The following SATL1 variants were observed in gnomAD, a reference collection of about 807,000 sequenced individuals.
SATL1 encodes the protein spermidine/spermine N(1)-acetyltransferase-like protein 1.
A neutral mutation model predicts 51.8 loss-of-function variants in SATL1; 47 were observed. The observed-to-expected ratio is 0.91, with a 90% CI of 0.72 to 1.16. The LOEUF (loss-of-function observed/expected upper bound fraction) is 1.16. SATL1 is among the 50% of genes most tolerant of loss of function. The probability of loss-of-function intolerance (pLI) is 0.00; values close to 1 mark genes in which losing one functional copy is unlikely to be tolerated. For missense variants in SATL1, 520 were observed against 526.4 expected, an observed-to-expected ratio of 0.99 and a Z score of 0.12; for synonymous variants, 176 against 182.4, an observed-to-expected ratio of 0.97 and a Z score of 0.28.
At chrX:85,110,228 C>T (rs1425149006) in intron 2 of SATL1, among the ~76,000 whole-genome samples, 2 of 111,158 alleles carry the variant, frequency 1.8e-5, no homozygotes, top group East Asian at 2.8e-4. Context: ...TCTTTCCAGG[C>T]TTTTTATTAT....
intron 2 of SATL1, among the ~76,000 whole-genome samples, chrX:85,122,384 A>G (rs538575131): frequency 3.4e-4 from 38 of 111,408 alleles, no homozygotes; most frequent in Middle Eastern, 4.6e-3. Flanking sequence ...TTCTGATTCA[A>G]TGGATTTGGT....
At chrX:85,239,660 A>G (rs771177141) in intron 1 of SATL1, among the ~76,000 whole-genome samples, 4 of 111,811 alleles carry the variant, frequency 3.6e-5, no homozygotes, top group Non-Finnish European at 7.5e-5. Flanking sequence ...GGATAGATAC[A>G]CAAGTCCACA....
At chrX:85,236,849 C>T (rs1185376224) in intron 1 of SATL1, among the ~76,000 whole-genome samples, 3 of 110,847 alleles carry the variant, frequency 2.7e-5, no homozygotes, top group African/African-American at 9.8e-5. Flanking sequence ...ACCAATCAGA[C>T]AAAATAAATA....
chrX:85,221,828 A>G (rs929511476), intron 2 of SATL1, among the ~76,000 whole-genome samples: 2 of 112,325 alleles, frequency 1.8e-5, no homozygotes, highest in African/African-American at 6.5e-5. Flanking sequence ...ATGTAGGGCC[A>G]GACCCTGGGT....
chrX:85,221,049 G>A (rs887783806), intron 2 of SATL1, among the ~76,000 whole-genome samples: 1 of 110,830 alleles, frequency 9.0e-6, no homozygotes, highest in Non-Finnish European at 1.9e-5. Flanking sequence ...GTACAGCTAC[G>A]GTAATATTTT....
At chrX:85,176,541 G>A (rs1215579503) in intron 2 of SATL1, among the ~76,000 whole-genome samples, 1 of 111,764 alleles carries the variant, frequency 8.9e-6, no homozygotes, top group Non-Finnish European at 1.9e-5. Flanking sequence ...AAGAAGAATA[G>A]TTATCTCTGT....
intron 2 of SATL1, among the ~76,000 whole-genome samples, chrX:85,205,332 A>G (rs1927771994): frequency 8.9e-6 from 1 of 112,345 alleles, no homozygotes; most frequent in African/African-American, 3.2e-5. Context: ...GGTATCTCAT[A>G]TTGAGTCTTG....
intron 2 of SATL1, chrX:85,211,915 T>C (rs1357189856): frequency 3.6e-5 from 4 of 111,837 alleles, no homozygotes; most frequent in Non-Finnish European, 7.5e-5. Context: ...AAGATTAGAA[T>C]GTAGAATTAA....
chrX:85,149,381 C>A (rs980578694), intron 2 of SATL1, among the ~76,000 whole-genome samples: 4 of 111,254 alleles, frequency 3.6e-5, no homozygotes, highest in African/African-American at 6.5e-5. Context: ...CTTTAACACC[C>A]CACTGTCAAC....
intron 2 of SATL1, among the ~76,000 whole-genome samples, chrX:85,130,467 G>A (rs773353265): frequency 9.0e-6 from 1 of 111,643 alleles, no homozygotes; most frequent in Non-Finnish European, 1.9e-5. Context: ...ATGGTAGTTT[G>A]TATTTCTGTG....
intron 2 of SATL1, 90 bp from the exon 3 acceptor site, chrX:85,109,370 A>C: frequency 5.0e-6 from 1 of 199,226 alleles, no homozygotes; most frequent in African/African-American, 2.8e-5. Context: ...CTGCATCATA[A>C]TGGCGGTCAC....
At chrX:85,243,377 T>C (rs904999172) in intron 1 of SATL1, among the ~76,000 whole-genome samples, 4 of 112,423 alleles carry the variant, frequency 3.6e-5, no homozygotes, top group African/African-American at 6.5e-5. Flanking sequence ...TCCTCCCACT[T>C]TTTGCAGACA....
At chrX:85,181,640 C>T (rs1927205665) in intron 2 of SATL1, among the ~76,000 whole-genome samples, 1 of 110,933 alleles carries the variant, frequency 9.0e-6, no homozygotes, top group Non-Finnish European at 1.9e-5. Context: ...TTCAAAGGTC[C>T]TTATCTCTCA....
chrX:85,118,087 C>CTTTTTTTGTTTTTTTTTTTTT, intron 2 of SATL1, among the ~76,000 whole-genome samples: 1 of 46,171 alleles, frequency 2.2e-5, no homozygotes, highest in Non-Finnish European at 4.8e-5. Context: ...AAGAACTTAG[C>CTTTTTTTGTTTTTTTTTTTTT]TTTTTTTTTT....
At chrX:85,120,643 T>G (rs1483699323) in intron 2 of SATL1, among the ~76,000 whole-genome samples, 1 of 112,073 alleles carries the variant, frequency 8.9e-6, no homozygotes, top group Non-Finnish European at 1.9e-5. Flanking sequence ...TAAACTATCT[T>G]ATGTAATATC....
At chrX:85,140,025 A>G (rs1482994376) in intron 2 of SATL1, among the ~76,000 whole-genome samples, 1 of 111,694 alleles carries the variant, frequency 9.0e-6, no homozygotes, top group Non-Finnish European at 1.9e-5. Context: ...TGTAACTGCT[A>G]TTAGCTTGTT....
chrX:85,115,076 G>A (rs1463557103), intron 2 of SATL1, among the ~76,000 whole-genome samples: 1 of 111,716 alleles, frequency 9.0e-6, no homozygotes, highest in Non-Finnish European at 1.9e-5. Context: ...GCTACAGGAG[G>A]AAGTGGAAGG....
At chrX:85,187,631 C>T (rs747801118) in intron 2 of SATL1, among the ~76,000 whole-genome samples, 8 of 111,395 alleles carry the variant, frequency 7.2e-5, no homozygotes, top group Non-Finnish European at 1.3e-4. Context: ...TATTGATTTC[C>T]GTATCTTGAA....
At chrX:85,221,202 T>G (rs1928169623) in intron 2 of SATL1, among the ~76,000 whole-genome samples, 1 of 105,697 alleles carries the variant, frequency 9.5e-6, no homozygotes, top group African/African-American at 3.4e-5. Context: ...CACTCTGTCT[T>G]TCTGTCTCTA....
Sources: allele counts gnomAD v4.1 joint callset (sites outside exome capture counted in the v4.1 genomes callset), GRCh38; gene constraint gnomAD v4.1.1; transcripts MANE v1.5; gene names NCBI Gene and HGNC (gene_info 2026-07-23, HGNC 2026-07-21).